The following LNX1 variants were observed in gnomAD, a reference collection of about 807,000 sequenced individuals.
LNX1 encodes the protein E3 ubiquitin-protein ligase LNX.
A neutral mutation model predicts 68.4 loss-of-function variants in LNX1; 54 were observed. The observed-to-expected ratio is 0.79, with a 90% CI of 0.63 to 0.99. LNX1 has a LOEUF of 0.99. Ranked by LOEUF, LNX1 falls within the 50% of genes least tolerant of loss-of-function variation. LNX1 has a pLI of 0.00. For synonymous variants in LNX1, 336 were observed against 350.0 expected (o/e 0.96, Z 0.45); for missense variants, 906 against 926.4 (o/e 0.98, Z 0.29).
chr4:53,596,807 T>G (rs1466095008), intron 2 of LNX1, among the ~76,000 whole-genome samples: 2 of 152,114 alleles, frequency 1.3e-5, no homozygotes, highest in African/African-American at 4.8e-5. Flanking sequence ...ACAATGACAT[T>G]CCCCTCTACT....
intron 2 of LNX1, among the ~76,000 whole-genome samples, chr4:53,606,330 T>C (rs576932774): frequency 3.3e-5 from 5 of 152,152 alleles, no homozygotes; most frequent in African/African-American, 1.2e-4. Flanking sequence ...CTAGGAAACC[T>C]AGAGGAAATG....
intron 1 of LNX1, among the ~76,000 whole-genome samples, chr4:53,651,483 A>C (rs989722935): frequency 6.6e-6 from 1 of 152,236 alleles, no homozygotes; most frequent in Admixed American, 6.5e-5. Context: ...TACTGTGGCT[A>C]TCTATTTCTG....
At chr4:53,636,298 A>G (rs571537820) in intron 1 of LNX1, among the ~76,000 whole-genome samples, 1 of 147,348 alleles carries the variant, frequency 6.8e-6, no homozygotes, top group Non-Finnish European at 1.5e-5. Flanking sequence ...TGAAAAAATT[A>G]GCATGCACCT....
At chr4:53,583,562 A>G (rs927194703) in intron 1 of LNX1, among the ~76,000 whole-genome samples, 1 of 151,272 alleles carries the variant, frequency 6.6e-6, no homozygotes, top group South Asian at 2.1e-4. Context: ...GAAAAAAAAA[A>G]CCCTTTTAAA....
intron 2 of LNX1, among the ~76,000 whole-genome samples, chr4:53,566,397 T>A (rs1215400892): frequency 1.3e-5 from 2 of 151,938 alleles, no homozygotes; most frequent in Non-Finnish European, 2.9e-5. Flanking sequence ...CCAGCCAAAC[T>A]AAGCTTCAGA....
chr4:53,488,786 C>T (rs2109442612), intron 6 of LNX1, among the ~76,000 whole-genome samples: 1 of 152,178 alleles, frequency 6.6e-6, no homozygotes, highest in East Asian at 1.9e-4. Context: ...CCTTACATGA[C>T]AATACAGACA....
chr4:53,487,173 C>T (rs1724364717), intron 6 of LNX1, among the ~76,000 whole-genome samples: 1 of 145,158 alleles, frequency 6.9e-6, no homozygotes, highest in East Asian at 2.1e-4. Flanking sequence ...ACACAAGGAG[C>T]AGCATTTTGC....
chr4:53,569,068 G>A (rs1158834388), intron 2 of LNX1, among the ~76,000 whole-genome samples: 36 of 150,836 alleles, frequency 2.4e-4, no homozygotes, highest in African/African-American at 4.6e-4. Context: ...AATCAATATC[G>A]TGAAAATGGC....
rs1721402233 is a variant in LNX1, at chr4:53,459,664, CTT to C, written c.*1241_*1242del. The C allele has an allele frequency of 9.8e-6, 6 of 612,388 alleles. No individual in the cohort carries two copies. The highest frequency in any genetic ancestry group is 4.6e-4 in the Middle Eastern group (1 of 2,158). 37.9% of individuals were successfully genotyped at this position (612,388 alleles called of 1,614,324 possible). On this transcript the variant is annotated 3_prime_UTR_variant, in exon 11 of 11. Coordinates refer to ENST00000263925, the MANE Select transcript of LNX1 (RefSeq NM_001126328.3). ...TTCAAAAATAAAAAGACAGCAATGA[CTT>C]TATATCCAAGAAAGGAATGTGAATG...
intron 1 of LNX1, among the ~76,000 whole-genome samples, chr4:53,646,262 T>C (rs1279554066): frequency 6.6e-6 from 1 of 152,200 alleles, no homozygotes; most frequent in Non-Finnish European, 1.5e-5. Flanking sequence ...AGGCAGGTAT[T>C]GGTAAATGAC....
In LNX1 at chr4:53,460,760, A is replaced by T. The variant is rs1274533278; in HGVS notation, c.*147T>A. On this transcript the variant is annotated 3_prime_UTR_variant, in exon 11 of 11. Coordinates refer to ENST00000263925, the MANE Select transcript of LNX1 (RefSeq NM_001126328.3). ...TTGGAATCATATTTTCTGAGGTGTA[A>T]CTGGCTTTCATTAGATGATCATACT... 1.3e-5 allele frequency: 10 copies of T among 794,274 alleles called. No individual in the cohort carries two copies. The highest frequency in any genetic ancestry group is 2.0e-5 in the Non-Finnish European group (10 of 512,558). The allele number at this position is 794,274 out of a possible 1,614,324, so 49.2% of individuals were successfully genotyped here.
chr4:53,472,554 A>C (rs17520800), intron 9 of LNX1, among the ~76,000 whole-genome samples: 84,253 of 151,622 alleles, frequency 0.56, 25,250 homozygotes, highest in Non-Finnish European at 0.67. Context: ...TGGGAAGTGA[A>C]ATCTTACAAC....
chr4:53,526,807 C>T (rs184230028), intron 2 of LNX1, among the ~76,000 whole-genome samples: 1 of 151,908 alleles, frequency 6.6e-6, no homozygotes, highest in East Asian at 1.9e-4. Context: ...TTCCTTCGAC[C>T]TCTTCTGTTA....
At chr4:53,487,689 T>C (rs1450905320) in intron 6 of LNX1, among the ~76,000 whole-genome samples, 2 of 152,192 alleles carry the variant, frequency 1.3e-5, no homozygotes, top group African/African-American at 4.8e-5. Flanking sequence ...CGTGGGCCCC[T>C]TGTTACAGAA....
intron 1 of LNX1, among the ~76,000 whole-genome samples, chr4:53,649,024 TA>T (rs1560707334): frequency 6.6e-6 from 1 of 152,206 alleles, no homozygotes; most frequent in South Asian, 2.1e-4. Context: ...GCTGAAACGA[TA>T]AAAAAATTAT....
At chr4:53,491,750 C>T (rs1370239346) in intron 6 of LNX1, among the ~76,000 whole-genome samples, 24 of 151,044 alleles carry the variant, frequency 1.6e-4, no homozygotes, top group African/African-American at 5.8e-4. Context: ...TATCAAGTGC[C>T]TACTATTGCC....
At position 53,462,219 on chromosome 4, in the gene LNX1, G is replaced by A. The variant is rs1048531315; in HGVS notation, c.1893-626C>T. On this transcript the variant is annotated intron_variant, in intron 9 of 10. Transcript: ENST00000263925. ...CAAACTGCAGGAAACTGGATAGGAAGTTATAAAAGGAATGGGAGAAGGAAA... is the reference window on the plus strand; with the variant it reads ...CAAACTGCAGGAAACTGGATAGGAAATTATAAAAGGAATGGGAGAAGGAAA... Among the ~76,000 whole-genome samples the A allele has an allele frequency of 6.6e-5, 10 of 152,080 alleles. 1 individual carries two copies. The highest frequency in any genetic ancestry group is 2.4e-4 in the African/African-American group (10 of 41,444).
intron 6 of LNX1, among the ~76,000 whole-genome samples, chr4:53,482,668 G>A (rs1203556357): frequency 6.6e-6 from 1 of 152,158 alleles, no homozygotes; most frequent in Non-Finnish European, 1.5e-5. Flanking sequence ...AGATGCAGAG[G>A]CAGAGTAATA....
At chr4:53,582,383 C>A (rs969802429) in intron 1 of LNX1, among the ~76,000 whole-genome samples, 1 of 152,152 alleles carries the variant, frequency 6.6e-6, no homozygotes, top group African/African-American at 2.4e-5. Context: ...AACCTAGGGC[C>A]AGGTCTCACA....
Sources: allele counts gnomAD v4.1 joint callset (sites outside exome capture counted in the v4.1 genomes callset), GRCh38; gene constraint gnomAD v4.1.1; transcripts MANE v1.5; gene names NCBI Gene and HGNC (gene_info 2026-07-23, HGNC 2026-07-21).